PPP1R15B: variants seen among roughly 807,000 people sequenced by gnomAD.
PPP1R15B encodes the protein protein phosphatase 1, regulatory (inhibitor) subunit 15B.
A neutral mutation model predicts 53.9 loss-of-function variants in PPP1R15B; 31 were observed. That is an observed-to-expected ratio of 0.58 (90% CI 0.43 to 0.78). PPP1R15B has a LOEUF of 0.78. Ranked by LOEUF, PPP1R15B falls within the 30% of genes least tolerant of loss-of-function variation. PPP1R15B has a pLI of 0.00. For missense variants in PPP1R15B, 928 were observed against 849.6 expected (o/e 1.09, Z -1.15); for synonymous variants, 345 against 329.1 (o/e 1.05, Z -0.52).
At position 204,410,148 on chromosome 1, in the gene PPP1R15B, T is replaced by C. The variant is rs763672669; in HGVS notation, c.1264A>G (p.Ser422Gly). The change falls in exon 1 of 2, where the codon AGT (serine) becomes GGT (glycine). Residue 422 changes from serine to glycine, a missense_variant. Coordinates refer to ENST00000367188, the MANE Select transcript of PPP1R15B (RefSeq NM_032833.5). ...AAAATATAATCTATCAGTTTGTTAC[T>C]ACAAGCTGGTCTGGCAGAAATGGGA... is the stretch of plus-strand genomic sequence containing the variant. ...DLPISARPAC[S>G]NKLIDYILGG... The C allele has an allele frequency of 5.0e-6, 8 of 1,613,806 alleles. No homozygotes were observed. The highest frequency in any genetic ancestry group is 3.3e-5 in the Admixed American group (2 of 60,000).
chr1:204,403,517 T>C lies in PPP1R15B; in HGVS notation c.*2575A>G, dbSNP rs1191767140. The C allele has an allele frequency of 1.0e-6, 1 of 960,734 alleles. No individual in the cohort carries two copies. Among genetic ancestry groups the C allele is most frequent in the East Asian group, 1.1e-4 (1 of 8,704 alleles). 59.5% of individuals were successfully genotyped at this position (960,734 alleles called of 1,614,324 possible). ...ATCTGTAGAAGCCAATTTAGAGTCT[T>C]CTAGTCCCCTAACTTTACCTTCCTT... On this transcript the variant is annotated 3_prime_UTR_variant, in exon 2 of 2. Coordinates refer to ENST00000367188, the MANE Select transcript of PPP1R15B (RefSeq NM_032833.5).
downstream of PPP1R15B, among the ~76,000 whole-genome samples, chr1:204,397,661 A>G (rs1674114866): frequency 6.6e-6 from 1 of 152,268 alleles, no homozygotes; most frequent in Non-Finnish European, 1.5e-5. Context: ...TGTTGTAGAC[A>G]GTAAACATAT....
In PPP1R15B at chr1:204,410,187, G is replaced by C. The variant is rs1019307449; in HGVS notation, c.1225C>G (p.Leu409Val). 2.5e-6 allele frequency: 4 copies of C among 1,613,920 alleles called. No individual in the cohort carries two copies. In the African/African-American group the frequency reaches 5.3e-5, roughly 22 times the overall value. The part of the protein sequence containing the change: ...GRISVVDYSY[L>V]EGDLPISARP... Reference sequence around the variant, plus strand: ...GCAGAAATGGGAAGGTCACCTTCTAGGTATGAGTAATCAACTACACTTATT... The same window carrying C: ...GCAGAAATGGGAAGGTCACCTTCTACGTATGAGTAATCAACTACACTTATT... Residue 409 changes from leucine to valine, a missense_variant, in exon 1 of 2, where the codon CTA becomes GTA. Leu to Val is a conservative substitution (Grantham distance 32, BLOSUM62 1). Coordinates refer to ENST00000367188, the MANE Select transcript of PPP1R15B (RefSeq NM_032833.5).
Position 204,410,387 on chromosome 1 carries a change from T to A in PPP1R15B, c.1025A>T (p.Asn342Ile). The A allele has an allele frequency of 6.2e-7, 1 of 1,614,198 alleles. No homozygotes were observed. Among genetic ancestry groups the A allele is most frequent in the Non-Finnish European group, 8.5e-7 (1 of 1,180,034 alleles). The change falls in exon 1 of 2, where the codon AAC (asparagine) becomes ATC (isoleucine). Residue 342 changes from asparagine to isoleucine, a missense_variant. Physicochemically the swap from Asn to Ile is moderately radical, Grantham distance 149 (BLOSUM62 -3). Transcript: ENST00000367188. The stretch of plus-strand genomic sequence containing the variant: ...AGCAGCAGGAACAAACTGTGTTGGG[T>A]TATCTCTGCAGTGTTTTGGATCCAT... ...LRMDPKHCRD[N>I]PTQFVPAAGD...
intron 1 of PPP1R15B, among the ~76,000 whole-genome samples, chr1:204,407,608 T>C (rs1454446550): frequency 3.9e-5 from 6 of 152,194 alleles, no homozygotes; most frequent in East Asian, 1.9e-4. Context: ...TTACTAGTTA[T>C]TGCATTCTAG....
At chr1:204,407,525 G>A (rs1206983179) in intron 1 of PPP1R15B, among the ~76,000 whole-genome samples, 1 of 152,114 alleles carries the variant, frequency 6.6e-6, no homozygotes, top group African/African-American at 2.4e-5. Flanking sequence ...ACCCCAATGT[G>A]GCCTACTACT....
In PPP1R15B at chr1:204,405,964, T is replaced by TA. The variant is rs1270071698; in HGVS notation, c.*127dup. 6.9e-7 allele frequency: 1 copy of TA among 1,443,268 alleles called. No individual in the cohort carries two copies. The highest frequency in any genetic ancestry group is 1.4e-5 in the African/African-American group (1 of 69,724). The allele number at this position is 1,443,268 out of a possible 1,614,324, so 89.4% of individuals were successfully genotyped here. A position where few individuals can be genotyped will look rare whatever the true frequency, so the allele number is the denominator to read the frequency against. On this transcript the variant is annotated 3_prime_UTR_variant, in exon 2 of 2. Coordinates refer to ENST00000367188, the MANE Select transcript of PPP1R15B (RefSeq NM_032833.5). ...TGGGATATGTTGCAAAAAAAAAAAT[T>TA]AAACTAGATCCAAGTTACATTTCCT...
In PPP1R15B at chr1:204,403,673, A is replaced by G. The variant is rs1674216600; in HGVS notation, c.*2419T>C. ...CTTTTACATGCTACATTGACACTTA[A>G]AGCACCATTAACAAGACTTTAAATG... On this transcript the variant is annotated 3_prime_UTR_variant, in exon 2 of 2. Transcript: ENST00000367188. The G allele has an allele frequency of 1.0e-6, 1 of 984,746 alleles. No individual in the cohort carries two copies. Among genetic ancestry groups the G allele is most frequent in the Non-Finnish European group, 1.2e-6 (1 of 829,018 alleles). The allele number at this position is 984,746 out of a possible 1,614,324, so 61.0% of individuals were successfully genotyped here.
intron 1 of PPP1R15B, 144 bp downstream of exon 1, chr1:204,409,348 A>T: frequency 1.1e-6 from 1 of 884,446 alleles, no homozygotes; most frequent in Non-Finnish European, 1.7e-6. Flanking sequence ...AGGGTCATTT[A>T]CATATTTCTC....
In PPP1R15B at chr1:204,406,251, T is replaced by C. The variant is rs776570179; in HGVS notation, c.1983A>G (p.Pro661=). 14 of 1,614,064 alleles carry C rather than the reference T, an allele frequency of 8.7e-6. No individual in the cohort carries two copies. The highest frequency in any genetic ancestry group is 2.7e-5 in the African/African-American group (2 of 74,932). Reference sequence around the variant, plus strand: ...ATCCATCCCTTGCAAATTCTTCCCATGGTCCTTTGCGATCCTCATCACCAC... The same window carrying C: ...ATCCATCCCTTGCAAATTCTTCCCACGGTCCTTTGCGATCCTCATCACCAC... ...YISGDEDRKG[P]WEEFARDGCR... The change falls in exon 2 of 2, where the codon CCA becomes CCG. Residue 661 remains proline (P), a synonymous_variant. Transcript: ENST00000367188.
At position 204,403,874 on chromosome 1, in the gene PPP1R15B, G is replaced by T. The variant is rs1008344673; in HGVS notation, c.*2218C>A. 3 of 985,184 alleles carry T rather than the reference G, an allele frequency of 3.0e-6. No homozygotes were observed. The highest frequency in any genetic ancestry group is 3.6e-6 in the Non-Finnish European group (3 of 829,576). 61.0% of individuals were successfully genotyped at this position (985,184 alleles called of 1,614,324 possible). A position where few individuals can be genotyped will look rare whatever the true frequency, so the allele number is the denominator to read the frequency against. ...CCTTCTGATCACTTCTTCCAAGGAGGCTAGTATATGGAAGAACTCTTAATC... is the reference window on the plus strand; with the variant it reads ...CCTTCTGATCACTTCTTCCAAGGAGTCTAGTATATGGAAGAACTCTTAATC... On this transcript the variant is annotated 3_prime_UTR_variant, in exon 2 of 2. Transcript: ENST00000367188.
chr1:204,411,065 G>A lies in PPP1R15B; in HGVS notation c.347C>T (p.Ala116Val), dbSNP rs576266765. ...CAAAGATTTCTGCGCTGTGGGGGCG[G>A]CTGGTTTCTCCCGTCCCTTCAGGGC... ...LRALKGREKPAAPTAQKSLSS... is the reference protein window; with the variant it reads ...LRALKGREKPVAPTAQKSLSS... The change falls in exon 1 of 2, where the codon GCC becomes GTC. Residue 116 changes from alanine (A) to valine (V), a missense_variant. Physicochemically the swap from Ala to Val is moderately conservative, Grantham distance 64. Coordinates refer to ENST00000367188, the MANE Select transcript of PPP1R15B (RefSeq NM_032833.5). 3 of 1,614,202 alleles carry A rather than the reference G, an allele frequency of 1.9e-6. No individual in the cohort carries two copies. In the Admixed American group the frequency reaches 5.0e-5, roughly 27 times the overall value.
rs1339489593 is a variant in PPP1R15B, at chr1:204,410,563, T to C, written c.849A>G (p.Pro283=). The C allele has an allele frequency of 6.2e-7, 1 of 1,613,914 alleles. No homozygotes were observed. The highest frequency in any genetic ancestry group is 8.5e-7 in the Non-Finnish European group (1 of 1,179,916). The part of the protein sequence containing the change: ...ELIPASWQGC[P]PLSTEGLPEI... ...CTGGTAGGCCTTCCGTAGAAAGAGGTGGACATCCCTGCCACGAGGCCGGAA... is the reference window on the plus strand; with the variant it reads ...CTGGTAGGCCTTCCGTAGAAAGAGGCGGACATCCCTGCCACGAGGCCGGAA... Residue 283 remains proline, a synonymous_variant, in exon 1 of 2, where the codon CCA becomes CCG. Transcript: ENST00000367188.
Position 204,405,968 on chromosome 1 carries a change from C to A in PPP1R15B, c.*124G>T. ...ATATGTTGCAAAAAAAAAAATTAAA[C>A]TAGATCCAAGTTACATTTCCTCTAA... On this transcript the variant is annotated 3_prime_UTR_variant, in exon 2 of 2. Transcript: ENST00000367188. 6.9e-7 allele frequency: 1 copy of A among 1,443,808 alleles called. No individual in the cohort carries two copies. The highest frequency in any genetic ancestry group is 9.1e-7 in the Non-Finnish European group (1 of 1,102,350). The allele number at this position is 1,443,808 out of a possible 1,614,324, so 89.4% of individuals were successfully genotyped here.
In PPP1R15B at chr1:204,404,912, A is replaced by T. The variant is rs1485549596; in HGVS notation, c.*1180T>A. On this transcript the variant is annotated 3_prime_UTR_variant, in exon 2 of 2. Coordinates refer to ENST00000367188, the MANE Select transcript of PPP1R15B (RefSeq NM_032833.5). ...AGTAACCTTTGGGCTAAATATATTA[A>T]AACTTTCCAGTCATTAATCTATACT... is the stretch of plus-strand genomic sequence containing the variant. 1 of 985,670 alleles carries T rather than the reference A, an allele frequency of 1.0e-6. No individual in the cohort carries two copies. 61.1% of individuals were successfully genotyped at this position (985,670 alleles called of 1,614,324 possible). A position where few individuals can be genotyped will look rare whatever the true frequency, so the allele number is the denominator to read the frequency against.
rs990580263 is a variant in PPP1R15B, at chr1:204,403,562, T to A, written c.*2530A>T. On this transcript the variant is annotated 3_prime_UTR_variant, in exon 2 of 2. Coordinates refer to ENST00000367188, the MANE Select transcript of PPP1R15B (RefSeq NM_032833.5). ...TTCCTTAAATTATACAAAAATAAAA[T>A]CTGATAGTTTTGATTTCAAGTTAAA... 1 of 982,048 alleles carries A rather than the reference T, an allele frequency of 1.0e-6. No homozygotes were observed. The highest frequency in any genetic ancestry group is 1.8e-5 in the African/African-American group (1 of 57,066). The allele number at this position is 982,048 out of a possible 1,614,324, so 60.8% of individuals were successfully genotyped here.
chr1:204,400,476 A>G (rs992541168), downstream of PPP1R15B, among the ~76,000 whole-genome samples: 7 of 125,740 alleles, frequency 5.6e-5, no homozygotes, highest in African/African-American at 1.8e-4. Flanking sequence ...TGCCCAGCTA[A>G]TTTCTTTTTC....
Position 204,410,272 on chromosome 1 carries a change from G to A in PPP1R15B, c.1140C>T (p.Ser380=), listed in dbSNP as rs1246324656. ...CACTAGATGGACAGCCCTCAGAAGG[G>A]CTCTCTTCTTCCAAAGCAAGTGGAA... ...TEVPLALEEE[S]PSEGCPSSEI... Residue 380 remains serine, a synonymous_variant, in exon 1 of 2, where the codon AGC becomes AGT. Transcript: ENST00000367188. 3 of 1,613,966 alleles carry A rather than the reference G, an allele frequency of 1.9e-6. No individual in the cohort carries two copies. The highest frequency in any genetic ancestry group is 2.5e-6 in the Non-Finnish European group (3 of 1,180,014).
In PPP1R15B at chr1:204,409,946, G is replaced by A; in HGVS notation, c.1466C>T (p.Pro489Leu). ...NSFCSVDPYN[P>L]QNFTATIQTA... ...CTGAATTGTTGCTGTAAAGTTCTGG[G>A]GATTATAAGGATCTACACTGCAGAA... The change falls in exon 1 of 2, where the codon CCC becomes CTC. Residue 489 changes from proline to leucine, a missense_variant. Transcript: ENST00000367188. The A allele has an allele frequency of 6.4e-7, 1 of 1,567,080 alleles. No individual in the cohort carries two copies. The highest frequency in any genetic ancestry group is 1.5e-5 in the African/African-American group (1 of 67,894).
Sources: allele counts gnomAD v4.1 joint callset (sites outside exome capture counted in the v4.1 genomes callset), GRCh38; gene constraint gnomAD v4.1.1; transcripts MANE v1.5; gene names NCBI Gene and HGNC (gene_info 2026-07-23, HGNC 2026-07-21).